Variants in AGAP1 observed in about 807,000 individuals in gnomAD.
The protein encoded by AGAP1 is ArfGAP with GTPase domain, ankyrin repeat and PH domain 1, also known as arf-GAP with GTPase, ANK repeat and PH domain-containing protein 1.
AGAP1 carries 29 observed loss-of-function variants against 105.3 expected under a neutral mutation model. The observed-to-expected ratio is 0.28, with a 90% confidence interval of 0.21 to 0.38. The LOEUF (loss-of-function observed/expected upper bound fraction) is 0.38. Ranked by LOEUF, AGAP1 falls within the 10% of genes least tolerant of loss-of-function variation. AGAP1 has a pLI of 1.00. For missense variants in AGAP1, 998 were observed against 1,165.1 expected (o/e 0.86, Z 2.09); for synonymous variants, 509 against 485.9 (o/e 1.05, Z -0.63).
At chr2:235,710,025 C>CT (rs1217320974) in intron 2 of AGAP1, among the ~76,000 whole-genome samples, 1 of 152,120 alleles carries the variant, frequency 6.6e-6, no homozygotes, top group Non-Finnish European at 1.5e-5. Context: ...GTATATATGT[C>CT]TAATTTCTGT....
At chr2:235,980,833 C>T (rs2055061683) in intron 13 of AGAP1, among the ~76,000 whole-genome samples, 1 of 152,168 alleles carries the variant, frequency 6.6e-6, no homozygotes, top group African/African-American at 2.4e-5. Flanking sequence ...TCCCTCCCCT[C>T]GCTATTGAGC....
chr2:235,849,714 C>A (rs905370921), intron 9 of AGAP1, among the ~76,000 whole-genome samples: 1 of 152,158 alleles, frequency 6.6e-6, no homozygotes, highest in South Asian at 2.1e-4. Flanking sequence ...CTCGCCTGGC[C>A]CTTCTCCCTT....
rs2149599048 is a variant in AGAP1 at position 235,728,985 on chromosome 2, T to C, written c.310+11341T>C. On this transcript the variant is annotated intron_variant, in intron 3 of 17. Coordinates refer to ENST00000304032, the MANE Select transcript of AGAP1 (RefSeq NM_001037131.3). This position sits in a 1 kb window ranked among gnomAD's most constrained non-coding sequence, Gnocchi z 4.3. ...GACCAGGCCAGCTGCTGTGTGGGTC[T>C]TCCATGTCCCAGGGACGGAGAGAGG... 6.6e-6 allele frequency among the ~76,000 whole-genome samples: 1 copy of C among 152,280 alleles called. No homozygotes were observed. The highest frequency in any genetic ancestry group is 2.4e-5 in the African/African-American group (1 of 41,528).
rs1009737951 is a variant in AGAP1 at position 236,038,006 on chromosome 2, AGT to A, written c.1800+1294_1800+1295del. On this transcript the variant is annotated intron_variant, in intron 14 of 17. Transcript: ENST00000304032. The surrounding 1 kb of genome is among the most constrained non-coding windows in gnomAD (Gnocchi z 4.5). ...GAGAGTCTGTCTTTCAGAAAGATGA[AGT>A]GTCTTATTTTATTACCCTCTTTAAC... is the stretch of plus-strand genomic sequence containing the variant. Among the ~76,000 whole-genome samples, 17 of 152,324 alleles carry A rather than the reference AGT, an allele frequency of 1.1e-4. No homozygotes were observed. The highest frequency in any genetic ancestry group is 3.8e-4 in the African/African-American group (16 of 41,566).
At chr2:235,730,153 T>C (rs913348317) in intron 3 of AGAP1, among the ~76,000 whole-genome samples, 1 of 152,104 alleles carries the variant, frequency 6.6e-6, no homozygotes, top group African/African-American at 2.4e-5. Context: ...CTGAATTGCA[T>C]ATTGAAAAAG....
intron 13 of AGAP1, among the ~76,000 whole-genome samples, chr2:235,980,979 TG>T (rs911898021): frequency 6.6e-5 from 10 of 152,382 alleles, no homozygotes; most frequent in African/African-American, 2.4e-4. Context: ...CAAGATTTTT[TG>T]CCTCCTCCTG....
chr2:235,949,330 A>G (rs76845423), intron 12 of AGAP1, among the ~76,000 whole-genome samples: 13,381 of 152,142 alleles, frequency 0.088, 1,512 homozygotes, highest in African/African-American at 0.26. Flanking sequence ...TGTAATTTCC[A>G]TGATAATTTT....
rs1025073602 is a variant in AGAP1, at chr2:235,905,012, G to A, written c.1156-3726G>A. On this transcript the variant is annotated intron_variant, in intron 10 of 17. Coordinates refer to ENST00000304032, the MANE Select transcript of AGAP1 (RefSeq NM_001037131.3). The surrounding 1 kb of genome is among the most constrained non-coding windows in gnomAD (Gnocchi z 4.2). ...GAGCTAGTTCTTCTGAGGTTGTAAC[G>A]CCTAACTCAGGCAAGAAAACAGATC... is the stretch of plus-strand genomic sequence containing the variant. 1.3e-5 allele frequency among the ~76,000 whole-genome samples: 2 copies of A among 151,818 alleles called. No individual in the cohort carries two copies. The highest frequency in any genetic ancestry group is 2.1e-4 in the South Asian group (1 of 4,810).
chr2:235,716,523 A>G lies in AGAP1; in HGVS notation c.223-1034A>G, dbSNP rs2149541940. Among the ~76,000 whole-genome samples, 1 of 152,156 alleles carries G rather than the reference A, an allele frequency of 6.6e-6. No individual in the cohort carries two copies. The highest frequency in any genetic ancestry group is 1.9e-4 in the East Asian group (1 of 5,164). ...AAGCGGGGTGAGTCCCAGCTCAGGG[A>G]ATGGCAGGTGGCCTTAATGAGCACC... is the stretch of plus-strand genomic sequence containing the variant. On this transcript the variant is annotated intron_variant, in intron 2 of 17. Transcript: ENST00000304032. This position sits in a 1 kb window ranked among gnomAD's most constrained non-coding sequence, Gnocchi z 4.0.
Position 235,927,735 on chromosome 2 carries a change from G to A in AGAP1, c.1325-3030G>A, listed in dbSNP as rs2052522926. On this transcript the variant is annotated intron_variant, in intron 11 of 17. Coordinates refer to ENST00000304032, the MANE Select transcript of AGAP1 (RefSeq NM_001037131.3). This position sits in a 1 kb window ranked among gnomAD's most constrained non-coding sequence, Gnocchi z 4.4. The stretch of plus-strand genomic sequence containing the variant: ...TCTGCCTTTTAAAGGAAATTGTTCT[G>A]GAAGGTTTCTAGGCCTGGTTGTCAT... Among the ~76,000 whole-genome samples the A allele has an allele frequency of 6.6e-6, 1 of 152,164 alleles. No homozygotes were observed. The highest frequency in any genetic ancestry group is 1.5e-5 in the Non-Finnish European group (1 of 68,038).
chr2:235,838,118 G>A (rs1242884871), intron 9 of AGAP1, among the ~76,000 whole-genome samples: 4 of 152,176 alleles, frequency 2.6e-5, no homozygotes, highest in Non-Finnish European at 4.4e-5. Flanking sequence ...CCCAAGAGGC[G>A]GAGGTTGCAG....
At chr2:235,837,309 T>G (rs1960286027) in intron 9 of AGAP1, among the ~76,000 whole-genome samples, 1 of 152,102 alleles carries the variant, frequency 6.6e-6, no homozygotes, top group Non-Finnish European at 1.5e-5. Context: ...TTTGAAAGGT[T>G]TAGGCTAAAT....
intron 16 of AGAP1, among the ~76,000 whole-genome samples, chr2:236,074,241 C>T (rs573373819): frequency 6.6e-6 from 1 of 152,110 alleles, no homozygotes; most frequent in South Asian, 2.1e-4. Context: ...ACATCAGTAC[C>T]CTCTGCAAGG....
At chr2:235,943,063 G>A (rs941950332) in intron 12 of AGAP1, among the ~76,000 whole-genome samples, 6 of 152,152 alleles carry the variant, frequency 3.9e-5, no homozygotes, top group African/African-American at 1.4e-4. Flanking sequence ...GTGATGTTTT[G>A]TGTTCTCAAC....
intron 1 of AGAP1, among the ~76,000 whole-genome samples, chr2:235,602,470 C>G (rs1177546557): frequency 6.6e-6 from 1 of 152,208 alleles, no homozygotes; most frequent in African/African-American, 2.4e-5. Context: ...CTCACTCCCT[C>G]CGCTCCAGCC....
Position 235,787,196 on chromosome 2 carries a change from CCT to C in AGAP1, c.674-10560_674-10559del, listed in dbSNP as rs1429467019. On this transcript the variant is annotated intron_variant, in intron 6 of 17. Coordinates refer to ENST00000304032, the MANE Select transcript of AGAP1 (RefSeq NM_001037131.3). This position sits in a 1 kb window ranked among gnomAD's most constrained non-coding sequence, Gnocchi z 4.4. ...GTAAGAGTTGAGCTAGCAGGGGCCG[CCT>C]CTACCCTTGGCTGCTGCTTCCAAAC... Among the ~76,000 whole-genome samples the C allele has an allele frequency of 6.6e-6, 1 of 152,206 alleles. No homozygotes were observed. The highest frequency in any genetic ancestry group is 6.5e-5 in the Admixed American group (1 of 15,288).
chr2:235,902,148 G>C (rs1001589784), intron 10 of AGAP1, among the ~76,000 whole-genome samples: 1 of 152,096 alleles, frequency 6.6e-6, no homozygotes, highest in Non-Finnish European at 1.5e-5. Context: ...CTGGATTCTC[G>C]TATCTGCTTC....
rs975821997 is a variant in AGAP1, at chr2:236,002,897, G to T, written c.1646-33664G>T. 6.6e-6 allele frequency among the ~76,000 whole-genome samples: 1 copy of T among 152,160 alleles called. No individual in the cohort carries two copies. The highest frequency in any genetic ancestry group is 2.4e-5 in the African/African-American group (1 of 41,422). ...GTCTCCTAAGGTGAAGTTTGTGTGT[G>T]AACAGGAGGGCCGGGGTCGCTGGGT... On this transcript the variant is annotated intron_variant, in intron 13 of 17. Transcript: ENST00000304032. This position sits in a 1 kb window ranked among gnomAD's most constrained non-coding sequence, Gnocchi z 4.3.
intron 1 of AGAP1, among the ~76,000 whole-genome samples, chr2:235,597,167 A>C (rs1389088847): frequency 1.3e-5 from 2 of 152,222 alleles, no homozygotes; most frequent in African/African-American, 4.8e-5. Flanking sequence ...ATGCCCCTTC[A>C]ACCACCAAGG....
Sources: gnomAD v4.1 joint callset for allele counts (sites outside exome capture counted in the v4.1 genomes callset) on GRCh38, gnomAD v4.1.1 for gene constraint, Gnocchi (gnomAD v3.1) non-coding constraint, MANE v1.5 for transcripts, NCBI Gene and HGNC (gene_info 2026-07-23, HGNC 2026-07-21) for gene names.